CYREN: variants seen among roughly 807,000 people sequenced by gnomAD.
The protein encoded by CYREN is cell cycle regulator of non-homologous end joining.
Under a neutral mutation model 9.7 loss-of-function variants are expected in CYREN, and 7 were observed. The observed-to-expected ratio is 0.72, with a 90% CI of 0.41 to 1.36. CYREN has a LOEUF of 1.36. Ranked by LOEUF, CYREN falls within the 40% of genes most tolerant of loss-of-function variation. The pLI is 0.01. For synonymous variants in CYREN, 76 were observed against 77.9 expected, an observed-to-expected ratio of 0.98 and a Z score of 0.13; for missense variants, 215 against 198.1, an observed-to-expected ratio of 1.09 and a Z score of -0.51.
rs1453218192 is a variant in CYREN, at chr7:135,167,823, G to A, written c.138-16C>T. 6.2e-6 allele frequency: 10 copies of A among 1,614,134 alleles called. No individual in the cohort carries two copies. The highest frequency in any genetic ancestry group is 1.7e-5 in the Admixed American group (1 of 60,026). ...CGCAGGGAGTCTGAAAAAAAGACAT[G>A]CAAGGCACAGATGACACAGACTCTC... On this transcript the variant is annotated splice_polypyrimidine_tract_variant and intron_variant, in intron 2 of 3. Transcript: ENST00000393114.
At position 135,149,184 on chromosome 7, in the gene CYREN, ATTTC is replaced by A. The variant is rs1037458739; in HGVS notation, n.356+19561_356+19564del. On this transcript the variant is annotated intron_variant and non_coding_transcript_variant, in intron 2 of 2. Coordinates refer to the CYREN transcript ENST00000459937. ...GCTGTTTTGAATGCCTGTTTTATAA[ATTTC>A]TTTTTTTTTCATAAATGTAGCACAT... Among the ~76,000 whole-genome samples, 18 of 151,890 alleles carry A rather than the reference ATTTC, an allele frequency of 1.2e-4. 1 individual carries two copies. The highest frequency in any genetic ancestry group is 2.0e-4 in the Admixed American group (3 of 15,252).
chr7:135,124,311 A>T (rs1827559655), intron 2 of CYREN, among the ~76,000 whole-genome samples: 1 of 152,234 alleles, frequency 6.6e-6, no homozygotes. Flanking sequence ...AGGGTATTAC[A>T]TAATGGTAAA....
intron 2 of CYREN, among the ~76,000 whole-genome samples, chr7:135,154,173 G>A (rs1480704010): frequency 1.3e-5 from 2 of 152,048 alleles, no homozygotes; most frequent in Non-Finnish European, 2.9e-5. Context: ...GGTATCAGTT[G>A]TAATGTCTTT....
intron 2 of CYREN, among the ~76,000 whole-genome samples, chr7:135,150,598 G>A (rs7795497): frequency 0.45 from 68,008 of 151,954 alleles, 15,761 homozygotes; most frequent in East Asian, 0.77. Flanking sequence ...GGGCTGGTGC[G>A]GGAAAACTAA....
At chr7:135,167,046 C>A (rs531507330) in intron 3 of CYREN, 175 bp from the exon 4 acceptor site, 36 of 985,090 alleles carry the variant, frequency 3.7e-5, no homozygotes, top group Non-Finnish European at 6.0e-6. Flanking sequence ...CTTCCCCTGA[C>A]CCCCTCTTCA....
chr7:135,167,289 A>T (rs1185260557), intron 3 of CYREN: 2 of 1,068,222 alleles, frequency 1.9e-6, no homozygotes. Context: ...CACCTGGTAA[A>T]CTGTAGAATG....
chr7:135,162,591 G>A (rs922263958), downstream of CYREN, among the ~76,000 whole-genome samples: 2 of 152,218 alleles, frequency 1.3e-5, no homozygotes, highest in Non-Finnish European at 2.9e-5. Flanking sequence ...AACATGTGCA[G>A]GGGAAATGCC....
chr7:135,092,625 T>A (rs1822018934), exon 3 of CYREN: 1 of 152,164 alleles, frequency 6.6e-6, no homozygotes, highest in Admixed American at 6.5e-5. Context: ...CAAATGCTAC[T>A]TATTGTGTTA....
At position 135,136,578 on chromosome 7, in the gene CYREN, C is replaced by T. The variant is rs143481629; in HGVS notation, n.356+32171G>A. On this transcript the variant is annotated intron_variant and non_coding_transcript_variant, in intron 2 of 2. Transcript: ENST00000459937. The stretch of plus-strand genomic sequence containing the variant: ...GGATGCCCTCTGCCAGGTAGGTGCT[C>T]GGGCTTGGGAAAGCCAGAGGTTAAT... 8.5e-5 allele frequency among the ~76,000 whole-genome samples: 13 copies of T among 152,074 alleles called. No individual in the cohort carries two copies. In the East Asian group the frequency reaches 1.5e-3, roughly 18 times the overall value.
chr7:135,097,039 C>T (rs2116982394), intron 2 of CYREN, among the ~76,000 whole-genome samples: 1 of 152,292 alleles, frequency 6.6e-6, no homozygotes. Flanking sequence ...GATACCAATG[C>T]TCAGTTGAAC....
At chr7:135,119,694 G>A (rs13242880) in intron 2 of CYREN, among the ~76,000 whole-genome samples, 3 of 151,998 alleles carry the variant, frequency 2.0e-5, no homozygotes, top group African/African-American at 7.2e-5. Flanking sequence ...TGGCTAACAC[G>A]GTGAAACCCC....
intron 2 of CYREN, among the ~76,000 whole-genome samples, chr7:135,141,829 T>C (rs983200549): frequency 4.6e-5 from 7 of 152,184 alleles, no homozygotes; most frequent in African/African-American, 1.7e-4. Flanking sequence ...CAGGAGCAAA[T>C]TGTTTAATTT....
chr7:135,114,419 T>C (rs1159037292), intron 2 of CYREN, among the ~76,000 whole-genome samples: 1 of 152,202 alleles, frequency 6.6e-6, no homozygotes, highest in South Asian at 2.1e-4. Flanking sequence ...ATAAACATTT[T>C]TTAAAATGTT....
intron 2 of CYREN, among the ~76,000 whole-genome samples, chr7:135,095,663 G>A (rs1285422501): frequency 6.6e-6 from 1 of 152,164 alleles, no homozygotes. Flanking sequence ...AAGCAACACT[G>A]TTTTTTGTGC....
Position 135,141,782 on chromosome 7 carries a change from T to A in CYREN, n.356+26967A>T, listed in dbSNP as rs555720646. Among the ~76,000 whole-genome samples, 199 of 152,300 alleles carry A rather than the reference T, an allele frequency of 1.3e-3. 3 individuals carry two copies. Among genetic ancestry groups the A allele is most frequent in the African/African-American group, 4.7e-3 (194 of 41,564 alleles). On this transcript the variant is annotated intron_variant and non_coding_transcript_variant, in intron 2 of 2. Transcript: ENST00000459937. ...TCATTAGTTTCAAAGAATTTCTTGA[T>A]TTCTGCCTTAATTTCATTGTTTACC...
intron 2 of CYREN, among the ~76,000 whole-genome samples, chr7:135,142,241 A>G (rs1484032416): frequency 6.6e-6 from 1 of 152,156 alleles, no homozygotes; most frequent in Non-Finnish European, 1.5e-5. Context: ...TATTTCATAA[A>G]CAGATAATGT....
At chr7:135,137,173 T>C (rs1342668954) in intron 2 of CYREN, among the ~76,000 whole-genome samples, 1 of 151,228 alleles carries the variant, frequency 6.6e-6, no homozygotes, top group Non-Finnish European at 1.5e-5. Context: ...AATTGGACAA[T>C]GCAAGAACAG....
exon 3 of CYREN, chr7:135,094,555 T>C (rs765107318): frequency 1.0e-4 from 46 of 456,514 alleles, no homozygotes; most frequent in Admixed American, 5.2e-4. Flanking sequence ...CAGGTTCTCA[T>C]AGAGCCAAGA....
At position 135,148,711 on chromosome 7, in the gene CYREN, A is replaced by C. The variant is rs911113241; in HGVS notation, n.356+20038T>G. On this transcript the variant is annotated intron_variant and non_coding_transcript_variant, in intron 2 of 2. Transcript: ENST00000459937. ...CAATGGTAGTTACGAACACATCATA[A>C]AACTTTAAAATACACACTGAAGATT... 3.3e-5 allele frequency among the ~76,000 whole-genome samples: 5 copies of C among 152,226 alleles called. No homozygotes were observed. In the East Asian group the frequency reaches 9.6e-4, roughly 29 times the overall value.
Sources: allele counts gnomAD v4.1 joint callset (sites outside exome capture counted in the v4.1 genomes callset), GRCh38; gene constraint gnomAD v4.1.1; transcripts MANE v1.5; gene names NCBI Gene and HGNC (gene_info 2026-07-23, HGNC 2026-07-21).